The following RBM44 variants were observed in gnomAD, a reference collection of about 807,000 sequenced individuals.
RBM44 encodes RNA binding motif protein 44, also known as RNA-binding protein 44.
A neutral mutation model predicts 105.1 loss-of-function variants in RBM44; 66 were observed. The observed-to-expected ratio is 0.63, with a 90% confidence interval of 0.52 to 0.77. RBM44 has a LOEUF of 0.77. RBM44 is among the 30% of genes least tolerant of loss of function. RBM44 has a pLI of 0.00. For missense variants in RBM44, 1,122 were observed against 1,207.8 expected (o/e 0.93, Z 1.05); for synonymous variants, 365 against 417.6 (o/e 0.87, Z 1.54).
At chr2:237,799,743 T>C (rs1161358767) in intron 1 of RBM44, among the ~76,000 whole-genome samples, 2 of 152,198 alleles carry the variant, frequency 1.3e-5, no homozygotes, top group Non-Finnish European at 2.9e-5. Flanking sequence ...ACAGTGACAG[T>C]CCGTTGCTGA....
Position 237,824,427 on chromosome 2 carries a change from C to T in RBM44, c.2449+8C>T, listed in dbSNP as rs1239526632. 1.2e-6 allele frequency: 2 copies of T among 1,610,158 alleles called. No homozygotes were observed. Among genetic ancestry groups the T allele is most frequent in the Admixed American group, 1.7e-5 (1 of 59,736 alleles). ...ATTTGGATCTTACAGGAGGTTGGTT[C>T]TCAAGAATTTACCGAGAAATCCTAA... On this transcript the variant is annotated splice_region_variant and intron_variant, in intron 10 of 15. Coordinates refer to ENST00000316997, the MANE Select transcript of RBM44 (RefSeq NM_001080504.3).
intron 1 of RBM44, among the ~76,000 whole-genome samples, chr2:237,806,874 G>C (rs549944207): frequency 6.6e-6 from 1 of 152,132 alleles, no homozygotes; most frequent in Non-Finnish European, 1.5e-5. Flanking sequence ...TGGGTGGGGT[G>C]GGGGGTGCGG....
chr2:237,826,545 G>T (rs1173302603), intron 10 of RBM44, among the ~76,000 whole-genome samples: 1 of 151,976 alleles, frequency 6.6e-6, no homozygotes, highest in African/African-American at 2.4e-5. Flanking sequence ...CCAATTAAAA[G>T]GTTTTCTTGG....
intron 1 of RBM44, among the ~76,000 whole-genome samples, chr2:237,810,493 TTCCAAGTCTCACCTTATCAGAGAAGTA>T (rs2061648131): frequency 6.6e-6 from 1 of 152,246 alleles, no homozygotes; most frequent in Non-Finnish European, 1.5e-5. Context: ...TCAGTCATTT[TTCCAAGTCTCACCTTATCAGAGAAGTA>T]TTCCTTTGTT....
rs1247441889 is a variant in RBM44 at position 237,817,375 on chromosome 2, T to C, written c.456T>C (p.Asp152=). Residue 152 remains aspartate, a synonymous_variant, in exon 3 of 16, where the codon GAT becomes GAC. Coordinates refer to ENST00000316997, the MANE Select transcript of RBM44 (RefSeq NM_001080504.3). ...EVFFNILEHQ[D]KTVGLERIYN... is the part of the protein sequence containing the mutation. ...TTTTTAATATTTTGGAACATCAAGATAAGACTGTTGGCTTGGAAAGAATCT... is the reference window on the plus strand; with the variant it reads ...TTTTTAATATTTTGGAACATCAAGACAAGACTGTTGGCTTGGAAAGAATCT... 1.9e-6 allele frequency: 3 copies of C among 1,604,354 alleles called. No homozygotes were observed. In the African/African-American group the frequency reaches 4.0e-5, roughly 22 times the overall value.
At chr2:237,830,375 A>G (rs979181917) in intron 13 of RBM44, among the ~76,000 whole-genome samples, 4 of 152,132 alleles carry the variant, frequency 2.6e-5, no homozygotes, top group Admixed American at 2.6e-4. Context: ...GGTGATTTGC[A>G]AATAATTTTT....
At chr2:237,830,928 A>G (rs1390804811) in intron 13 of RBM44, among the ~76,000 whole-genome samples, 1 of 152,136 alleles carries the variant, frequency 6.6e-6, no homozygotes, top group Non-Finnish European at 1.5e-5. Context: ...CTACAAAAAA[A>G]AAAAATCCTA....
In RBM44 at chr2:237,817,058, T is replaced by C. The variant is rs868019877; in HGVS notation, c.139T>C (p.Leu47=). The C allele has an allele frequency of 2.5e-6, 4 of 1,596,368 alleles. No individual in the cohort carries two copies. The highest frequency in any genetic ancestry group is 4.5e-5 in the East Asian group (2 of 44,736). The change falls in exon 3 of 16, where the codon TTG becomes CTG. Residue 47 remains leucine (L), a synonymous_variant. Transcript: ENST00000316997. ...CTCCAATGGTTGTGATGAAGTCAAA[T>C]TGACTTTTCCTGATGATGACTGGAA... ...LSSNGCDEVK[L]TFPDDDWNSS...
chr2:237,820,345 T>TA lies in RBM44; in HGVS notation c.1910dup (p.Asn637LysfsTer7). On this transcript the variant is annotated frameshift_variant, in exon 5 of 16. Coordinates refer to ENST00000316997, the MANE Select transcript of RBM44 (RefSeq NM_001080504.3). LOFTEE classifies it high-confidence loss of function. ...CTTGTCATGGAAAATAGGGAAGGAT[T>TA]AAATATGTGTTTATTAATTTCAAAT... 1 of 1,562,690 alleles carries TA rather than the reference T, an allele frequency of 6.4e-7. No individual in the cohort carries two copies. The highest frequency in any genetic ancestry group is 8.7e-7 in the Non-Finnish European group (1 of 1,147,578).
Position 237,834,261 on chromosome 2 carries a change from G to A in RBM44, c.3033-17G>A. The A allele has an allele frequency of 1.3e-6, 2 of 1,558,516 alleles. No individual in the cohort carries two copies. Among genetic ancestry groups the A allele is most frequent in the South Asian group, 1.2e-5 (1 of 81,238 alleles). On this transcript the variant is annotated splice_polypyrimidine_tract_variant and intron_variant, in intron 14 of 15. Transcript: ENST00000316997. ...TTGGAAAAGACAAATACTCATGTAT[G>A]TTTTCCTTTTTCATAGAGACCATAT...
chr2:237,820,054 G>T, intron 4 of RBM44, 121 bp from the exon 5 acceptor site: 1 of 514,422 alleles, frequency 1.9e-6, no homozygotes, highest in Non-Finnish European at 3.3e-6. Flanking sequence ...TTCATCTTTA[G>T]TATAAATTGA....
In RBM44 at chr2:237,840,207, A is replaced by G. The variant is rs975125472; in HGVS notation, c.*23-1632A>G. On this transcript the variant is annotated intron_variant, in intron 15 of 15. Transcript: ENST00000316997. ...TATCTCAAAAAAAAAAAAAAAAAAAAAAAGGGCACACGGCACATAGACCAA... is the reference window on the plus strand; with the variant it reads ...TATCTCAAAAAAAAAAAAAAAAAAAGAAAGGGCACACGGCACATAGACCAA... Among the ~76,000 whole-genome samples, 338 of 151,280 alleles carry G rather than the reference A, an allele frequency of 2.2e-3. 1 individual carries two copies. The highest frequency in any genetic ancestry group is 7.6e-3 in the African/African-American group (314 of 41,298).
chr2:237,825,355 G>A (rs1029415770), intron 10 of RBM44, among the ~76,000 whole-genome samples: 4 of 151,806 alleles, frequency 2.6e-5, no homozygotes, highest in African/African-American at 7.3e-5. Context: ...ACAGGTGCCC[G>A]CCACAACACC....
At chr2:237,826,374 T>G (rs148983748) in intron 10 of RBM44, among the ~76,000 whole-genome samples, 4 of 152,288 alleles carry the variant, frequency 2.6e-5, no homozygotes, top group African/African-American at 4.8e-5. Flanking sequence ...AAACGTACTC[T>G]TAAGAATTTT....
chr2:237,806,954 G>A (rs1239719978), intron 1 of RBM44, among the ~76,000 whole-genome samples: 1 of 152,036 alleles, frequency 6.6e-6, no homozygotes, highest in African/African-American at 2.4e-5. Flanking sequence ...TTATAAGATT[G>A]TTATCTTTTT....
rs2062013070 is a variant in RBM44 at position 237,841,677 on chromosome 2, A to G, written c.*23-162A>G. The stretch of plus-strand genomic sequence containing the variant: ...AAAATGATTGCTAGATACAAAGACA[A>G]GACACAAAAATTAATTGCAATTCTC... On this transcript the variant is annotated intron_variant, in intron 15 of 15. Transcript: ENST00000316997. The surrounding 1 kb of genome is among the most constrained non-coding windows in gnomAD (Gnocchi z 4.5). Among the ~76,000 whole-genome samples the G allele has an allele frequency of 2.0e-5, 3 of 152,232 alleles. No homozygotes were observed. Among genetic ancestry groups the G allele is most frequent in the Non-Finnish European group, 4.4e-5 (3 of 68,032 alleles).
intron 1 of RBM44, among the ~76,000 whole-genome samples, chr2:237,802,673 G>A (rs2061557255): frequency 6.6e-6 from 1 of 152,128 alleles, no homozygotes; most frequent in African/African-American, 2.4e-5. Context: ...GAAATTGTAT[G>A]CCTGTTGTGC....
intron 10 of RBM44, among the ~76,000 whole-genome samples, chr2:237,825,272 G>A (rs1487754196): frequency 6.6e-6 from 1 of 151,974 alleles, no homozygotes; most frequent in Non-Finnish European, 1.5e-5. Flanking sequence ...ACCCAGGCTG[G>A]AGTGGGTGGC....
intron 15 of RBM44, among the ~76,000 whole-genome samples, chr2:237,840,148 G>A (rs951299704): frequency 2.2e-5 from 3 of 133,528 alleles, no homozygotes; most frequent in Admixed American, 8.8e-5. Context: ...AGATTACACC[G>A]CTGCACTCCA....
Sources: allele counts gnomAD v4.1 joint callset (sites outside exome capture counted in the v4.1 genomes callset), GRCh38; gene constraint gnomAD v4.1.1; non-coding constraint Gnocchi (gnomAD v3.1); transcripts MANE v1.5; gene names NCBI Gene and HGNC (gene_info 2026-07-23, HGNC 2026-07-21).